Variants in ARHGAP26 observed in about 807,000 individuals in gnomAD.
ARHGAP26 encodes Rho GTPase activating protein 26, also known as rho GTPase-activating protein 26.
A neutral mutation model predicts 104.8 loss-of-function variants in ARHGAP26; 38 were observed. The ratio of observed to expected loss-of-function variants is 0.36; its 90% CI spans 0.28 to 0.48. The LOEUF (loss-of-function observed/expected upper bound fraction) is 0.48, where lower values mean the gene tolerates loss of function less well. Ranked by LOEUF, ARHGAP26 falls within the 20% of genes least tolerant of loss-of-function variation. ARHGAP26 has a pLI of 0.99. For missense variants in ARHGAP26, 704 were observed against 947.9 expected (o/e 0.74, Z 3.38); for synonymous variants, 341 against 340.0 (o/e 1.00, Z -0.03).
chr5:142,955,546 C>G (rs1456129568), intron 11 of ARHGAP26, among the ~76,000 whole-genome samples: 2 of 152,126 alleles, frequency 1.3e-5, no homozygotes, highest in African/African-American at 4.8e-5. Flanking sequence ...AAATTTGGCA[C>G]AACACTTATG....
At chr5:142,771,842 G>A (rs929822466) in intron 1 of ARHGAP26, among the ~76,000 whole-genome samples, 12 of 152,232 alleles carry the variant, frequency 7.9e-5, no homozygotes, top group Non-Finnish European at 1.8e-4. Flanking sequence ...TGCAGAGCCA[G>A]AGAGTTTCTT....
At chr5:142,835,874 A>T (rs962165554) in intron 1 of ARHGAP26, among the ~76,000 whole-genome samples, 2 of 152,218 alleles carry the variant, frequency 1.3e-5, no homozygotes, top group African/African-American at 4.8e-5. Flanking sequence ...TGTGTTATTA[A>T]CTTGTACAAT....
intron 5 of ARHGAP26, among the ~76,000 whole-genome samples, chr5:142,892,541 G>A (rs1025257236): frequency 6.6e-6 from 1 of 151,904 alleles, no homozygotes; most frequent in African/African-American, 2.4e-5. Context: ...TGTATGTACA[G>A]CTATGGGCAT....
intron 1 of ARHGAP26, among the ~76,000 whole-genome samples, chr5:142,864,436 C>T (rs1422722375): frequency 6.6e-6 from 1 of 152,152 alleles, no homozygotes; most frequent in South Asian, 2.1e-4. Flanking sequence ...AATGGTCCAT[C>T]CGGGTTTTGC....
chr5:142,867,225 C>G (rs112802614), intron 1 of ARHGAP26, among the ~76,000 whole-genome samples: 8 of 151,362 alleles, frequency 5.3e-5, no homozygotes, highest in African/African-American at 1.9e-4. Context: ...CAGGTAAGAC[C>G]GTGTGTCACG....
At chr5:143,213,661 C>T (rs992586113) in intron 21 of ARHGAP26, among the ~76,000 whole-genome samples, 2 of 151,684 alleles carry the variant, frequency 1.3e-5, no homozygotes, top group African/African-American at 4.9e-5. Context: ...TCCCTCCCTT[C>T]CCCCAAGGCA....
chr5:142,911,345 C>G (rs758455072), intron 9 of ARHGAP26, among the ~76,000 whole-genome samples: 27 of 152,164 alleles, frequency 1.8e-4, no homozygotes, highest in Non-Finnish European at 3.5e-4. Context: ...ACCAGCTGCC[C>G]TGCTGTTTCT....
intron 17 of ARHGAP26, among the ~76,000 whole-genome samples, chr5:143,067,913 C>T (rs766049164): frequency 6.6e-6 from 1 of 152,180 alleles, no homozygotes; most frequent in Non-Finnish European, 1.5e-5. Context: ...CCTGTAATTC[C>T]AGCACTTGGG....
intron 9 of ARHGAP26, among the ~76,000 whole-genome samples, chr5:142,909,792 G>T (rs1031118556): frequency 6.6e-6 from 1 of 152,188 alleles, no homozygotes; most frequent in Non-Finnish European, 1.5e-5. Flanking sequence ...CCAATTCTTA[G>T]TCCTTCTAGA....
intron 9 of ARHGAP26, among the ~76,000 whole-genome samples, chr5:142,908,474 T>G (rs1761412906): frequency 6.6e-6 from 1 of 152,224 alleles, no homozygotes; most frequent in African/African-American, 2.4e-5. Context: ...CCTCGCCATT[T>G]GGTCTCTCTG....
At position 143,130,540 on chromosome 5, in the gene ARHGAP26, G is replaced by A. The variant is rs549238449; in HGVS notation, c.1699-3427G>A. Reference sequence around the variant, plus strand: ...ATAGGTTATATGAGCTCCTGCTTCCGTCATTCAGCAGGGTTGTTTGCACAG... The same window carrying A: ...ATAGGTTATATGAGCTCCTGCTTCCATCATTCAGCAGGGTTGTTTGCACAG... On this transcript the variant is annotated intron_variant, in intron 18 of 22. Coordinates refer to ENST00000645722, the MANE Select transcript of ARHGAP26 (RefSeq NM_001135608.3). Among the ~76,000 whole-genome samples the A allele has an allele frequency of 8.5e-5, 13 of 152,250 alleles. 1 individual carries two copies. Among genetic ancestry groups the A allele is most frequent in the African/African-American group, 2.9e-4 (12 of 41,538 alleles).
chr5:142,978,747 CTTTT>C (rs11375975), intron 11 of ARHGAP26, among the ~76,000 whole-genome samples: 7 of 124,636 alleles, frequency 5.6e-5, no homozygotes, highest in East Asian at 2.4e-4. Flanking sequence ...AGGAGTTTGC[CTTTT>C]TTTTTTTTTT....
chr5:142,833,888 T>C (rs1769020473), intron 1 of ARHGAP26, among the ~76,000 whole-genome samples: 1 of 152,206 alleles, frequency 6.6e-6, no homozygotes, highest in Admixed American at 6.5e-5. Context: ...CTTGGAAATA[T>C]CTTGACCTTG....
At chr5:142,999,314 A>C (rs1267930711) in intron 11 of ARHGAP26, among the ~76,000 whole-genome samples, 1 of 152,130 alleles carries the variant, frequency 6.6e-6, no homozygotes, top group East Asian at 1.9e-4. Context: ...AGATCTTTAC[A>C]ATGCTCAGCA....
chr5:142,983,620 T>TA (rs1274215915), intron 11 of ARHGAP26, among the ~76,000 whole-genome samples: 1 of 152,226 alleles, frequency 6.6e-6, no homozygotes, highest in Non-Finnish European at 1.5e-5. Context: ...CACGCATTTT[T>TA]ACATCGAAAA....
At position 142,834,257 on chromosome 5, in the gene ARHGAP26, C is replaced by G. The variant is rs146613634; in HGVS notation, c.155-39143C>G. Among the ~76,000 whole-genome samples the G allele has an allele frequency of 2.6e-3, 399 of 152,258 alleles. 2 individuals carry two copies. The highest frequency in any genetic ancestry group is 8.7e-3 in the African/African-American group (362 of 41,552). On this transcript the variant is annotated intron_variant, in intron 1 of 22. Transcript: ENST00000645722. ...GTGAATACACTTATGTAATGGCAAC[C>G]CAGGCCAAGCAATAAAAATGATTAG...
chr5:143,110,957 C>G (rs1184208044), intron 17 of ARHGAP26, among the ~76,000 whole-genome samples: 33 of 152,210 alleles, frequency 2.2e-4, no homozygotes, highest in Admixed American at 2.2e-3. Flanking sequence ...TGAGACTTCT[C>G]AAATCCCAGG....
At chr5:143,201,045 TC>T (rs1289851383) in intron 20 of ARHGAP26, among the ~76,000 whole-genome samples, 1 of 152,272 alleles carries the variant, frequency 6.6e-6, no homozygotes, top group Non-Finnish European at 1.5e-5. Flanking sequence ...AGCCTTATCT[TC>T]CTAAACCGTT....
intron 11 of ARHGAP26, among the ~76,000 whole-genome samples, chr5:142,982,145 T>C (rs1486989814): frequency 1.3e-5 from 2 of 152,322 alleles, no homozygotes; most frequent in South Asian, 2.1e-4. Context: ...TGGTTTGATC[T>C]AAGTCCGTTT....
Sources: allele counts gnomAD v4.1 joint callset (sites outside exome capture counted in the v4.1 genomes callset), GRCh38; gene constraint gnomAD v4.1.1; transcripts MANE v1.5; gene names NCBI Gene and HGNC (gene_info 2026-07-23, HGNC 2026-07-21).